Variants in CHPT1 observed in about 807,000 individuals in gnomAD.
CHPT1 encodes choline phosphotransferase 1.
CHPT1 carries 36 observed loss-of-function variants against 47.6 expected under a neutral mutation model. The observed-to-expected ratio is 0.76, with a 90% CI of 0.58 to 1.00. The LOEUF (loss-of-function observed/expected upper bound fraction) is 1.00. Ranked by LOEUF, CHPT1 falls within the 50% of genes least tolerant of loss-of-function variation. The pLI, the probability that CHPT1 is intolerant of heterozygous loss-of-function variation, is 0.00. For synonymous variants in CHPT1, 194 were observed against 186.3 expected (o/e 1.04, Z -0.33); for missense variants, 458 against 498.1 (o/e 0.92, Z 0.77).
At chr12:101,723,438 T>C in intron 6 of CHPT1, 112 bp downstream of exon 6, 1 of 705,598 alleles carries the variant, frequency 1.4e-6, no homozygotes, top group South Asian at 2.1e-5. Flanking sequence ...AAAATCATAA[T>C]AATTAGCTAT....
At chr12:101,727,184 G>GTAAC (rs1475401208) in intron 8 of CHPT1, 3 of 99,684 alleles carry the variant, frequency 3.0e-5, no homozygotes, top group African/African-American at 1.5e-4. Flanking sequence ...AAGAAAATTA[G>GTAAC]TAACTTAGAA....
intron 4 of CHPT1, among the ~76,000 whole-genome samples, chr12:101,719,090 GAGGTTGC>G (rs1179897447): frequency 6.8e-6 from 1 of 147,880 alleles, no homozygotes; most frequent in African/African-American, 2.5e-5. Context: ...CTGGGAGGCA[GAGGTTGC>G]AGTGAGCCAA....
chr12:101,708,868 A>T (rs1471056345), intron 1 of CHPT1, among the ~76,000 whole-genome samples: 1 of 148,904 alleles, frequency 6.7e-6, no homozygotes, highest in Non-Finnish European at 1.5e-5. Context: ...AAGTGCTGGG[A>T]TTACAGGTGT....
At chr12:101,703,203 C>G (rs1293476647) in intron 1 of CHPT1, among the ~76,000 whole-genome samples, 2 of 152,318 alleles carry the variant, frequency 1.3e-5, no homozygotes, top group African/African-American at 4.8e-5. Context: ...AGAACAGAAG[C>G]AACCCAGTAC....
chr12:101,705,154 A>C (rs1313882980), intron 1 of CHPT1, among the ~76,000 whole-genome samples: 14 of 135,030 alleles, frequency 1.0e-4, no homozygotes, highest in South Asian at 6.7e-4. Flanking sequence ...ACCTTGGCCT[A>C]CTGTCCTCAA....
chr12:101,713,789 G>A (rs1951726831), intron 1 of CHPT1, among the ~76,000 whole-genome samples: 1 of 152,064 alleles, frequency 6.6e-6, no homozygotes, highest in Admixed American at 6.6e-5. Context: ...TTTCAAATCT[G>A]TGGCATAATG....
chr12:101,723,807 ATAAC>A lies in CHPT1; in HGVS notation c.1027_1030del (p.Asn343LeufsTer2). 6.5e-7 allele frequency: 1 copy of A among 1,548,160 alleles called. No homozygotes were observed. Among genetic ancestry groups the A allele is most frequent in the Non-Finnish European group, 8.9e-7 (1 of 1,124,886 alleles). ...CTTTTGTTTTTAGACCAGTACTTTA[ATAAC>A]TTTATAGACGAATATGTTGTTCTAT... On this transcript the variant is annotated frameshift_variant, in exon 7 of 9. Transcript: ENST00000229266. LOFTEE classifies it high-confidence loss of function.
chr12:101,708,663 A>G (rs1042014430), intron 1 of CHPT1, among the ~76,000 whole-genome samples: 1 of 123,712 alleles, frequency 8.1e-6, no homozygotes, highest in African/African-American at 2.6e-5. Flanking sequence ...GCTGGAGTGC[A>G]GTGGCTCACT....
chr12:101,725,294 G>A lies in CHPT1; in HGVS notation c.1066-1000G>A, dbSNP rs555168242. On this transcript the variant is annotated intron_variant, in intron 7 of 8. Transcript: ENST00000229266. ...TAATTCTTTGAGGTGGACAATGAAC[G>A]TTTTCAGGCAAAATTAAAAAAAAAA... is the stretch of plus-strand genomic sequence containing the variant. 1.2e-4 allele frequency among the ~76,000 whole-genome samples: 18 copies of A among 151,402 alleles called. No individual in the cohort carries two copies. The East Asian group carries it at 2.3e-3, about 20-fold the overall frequency.
intron 1 of CHPT1, among the ~76,000 whole-genome samples, chr12:101,709,269 C>T (rs1196346266): frequency 6.8e-6 from 1 of 146,580 alleles, no homozygotes; most frequent in Non-Finnish European, 1.5e-5. Context: ...TGGTGGTGCA[C>T]ACCTGTAGTG....
At chr12:101,704,335 T>C (rs910843558) in intron 1 of CHPT1, among the ~76,000 whole-genome samples, 2 of 152,062 alleles carry the variant, frequency 1.3e-5, no homozygotes, top group South Asian at 2.1e-4. Context: ...TTAAATCAAC[T>C]CTTTTAAAAA....
chr12:101,727,829 T>A (rs1298716674), intron 8 of CHPT1: 1 of 152,230 alleles, frequency 6.6e-6, no homozygotes, highest in Admixed American at 6.5e-5. Context: ...AATTTCTTCC[T>A]GTACAAGTAG....
At chr12:101,724,663 T>C (rs1222327470) in intron 7 of CHPT1, among the ~76,000 whole-genome samples, 1 of 152,182 alleles carries the variant, frequency 6.6e-6, no homozygotes, top group Non-Finnish European at 1.5e-5. Flanking sequence ...CCCTTGAGGA[T>C]AGTGTATAAT....
At chr12:101,714,885 C>A in intron 3 of CHPT1, 1 of 331,360 alleles carries the variant, frequency 3.0e-6, no homozygotes. Flanking sequence ...AATCATTAGC[C>A]CAAGTTTACA....
chr12:101,723,147 A>G (rs1042373990), intron 5 of CHPT1, 21 bp from the exon 6 acceptor site: 75 of 1,603,824 alleles, frequency 4.7e-5, no homozygotes, highest in Non-Finnish European at 6.1e-5. Context: ...TGTGATACTG[A>G]TTTTCTGCTT....
chr12:101,699,875 T>C (rs959064287), intron 1 of CHPT1, among the ~76,000 whole-genome samples: 3 of 152,198 alleles, frequency 2.0e-5, no homozygotes, highest in Admixed American at 6.5e-5. Context: ...GGTTTCTAAC[T>C]GGCTCTTCCA....
intron 5 of CHPT1, among the ~76,000 whole-genome samples, chr12:101,722,639 A>G (rs1314346481): frequency 6.6e-6 from 1 of 150,628 alleles, no homozygotes; most frequent in Non-Finnish European, 1.5e-5. Flanking sequence ...GGATCGCTTG[A>G]GCCCGGGAGT....
At chr12:101,713,197 T>C (rs1951718128) in intron 1 of CHPT1, among the ~76,000 whole-genome samples, 1 of 148,836 alleles carries the variant, frequency 6.7e-6, no homozygotes, top group Admixed American at 6.9e-5. Flanking sequence ...CTTTCTGCTT[T>C]GCCTGGTGGG....
chr12:101,706,222 C>T (rs2137004132), intron 1 of CHPT1, among the ~76,000 whole-genome samples: 1 of 151,566 alleles, frequency 6.6e-6, no homozygotes, highest in East Asian at 2.0e-4. Context: ...TGGTGGTGCA[C>T]ATCTGTAATC....
Sources: allele counts gnomAD v4.1 joint callset (sites outside exome capture counted in the v4.1 genomes callset), GRCh38; gene constraint gnomAD v4.1.1; transcripts MANE v1.5; gene names NCBI Gene and HGNC (gene_info 2026-07-23, HGNC 2026-07-21).